The following ELOVL6 variants were observed in gnomAD, a reference collection of about 807,000 sequenced individuals.
ELOVL6 encodes the protein ELOVL fatty acid elongase 6.
Under a neutral mutation model 31.7 loss-of-function variants are expected in ELOVL6, and 8 were observed. The observed-to-expected ratio is 0.25, with a 90% CI of 0.15 to 0.45. ELOVL6 has a LOEUF of 0.45. ELOVL6 is among the 20% of genes least tolerant of loss of function. ELOVL6 has a pLI of 1.00. For synonymous variants in ELOVL6, 101 were observed against 117.7 expected (o/e 0.86, Z 0.92); for missense variants, 126 against 326.4 (o/e 0.39, Z 4.73).
At chr4:110,066,604 A>G (rs1755309253) in intron 2 of ELOVL6, among the ~76,000 whole-genome samples, 1 of 134,682 alleles carries the variant, frequency 7.4e-6, no homozygotes, top group Admixed American at 8.9e-5. Flanking sequence ...GCACCACTGC[A>G]CTCCAGCCTG....
At chr4:110,097,539 T>C (rs575357359) in intron 2 of ELOVL6, among the ~76,000 whole-genome samples, 2 of 152,214 alleles carry the variant, frequency 1.3e-5, no homozygotes, top group East Asian at 1.9e-4. Flanking sequence ...TAAATAATAA[T>C]ACAGTGTGGG....
intron 1 of ELOVL6, among the ~76,000 whole-genome samples, chr4:110,180,856 G>T (rs1759251541): frequency 6.6e-6 from 1 of 152,164 alleles, no homozygotes; most frequent in African/African-American, 2.4e-5. Context: ...ATATTCCAAG[G>T]CCATGTGTGG....
intron 1 of ELOVL6, among the ~76,000 whole-genome samples, chr4:110,188,852 T>C (rs1014320228): frequency 4.0e-5 from 6 of 149,472 alleles, no homozygotes; most frequent in African/African-American, 1.2e-4. Flanking sequence ...GATCATGCCA[T>C]TGCACTCCAC....
intron 2 of ELOVL6, among the ~76,000 whole-genome samples, chr4:110,084,138 A>ATATATACATGT (rs1756051607): frequency 3.9e-5 from 2 of 51,290 alleles, no homozygotes; most frequent in African/African-American, 1.9e-4. Flanking sequence ...TGTGATAATG[A>ATATATACATGT]TATATATGAT....
chr4:110,160,935 C>A (rs1452027912), intron 1 of ELOVL6, among the ~76,000 whole-genome samples: 1 of 152,188 alleles, frequency 6.6e-6, no homozygotes, highest in Admixed American at 6.5e-5. Flanking sequence ...TTATTGGTTT[C>A]TCCAACAGAG....
intron 1 of ELOVL6, among the ~76,000 whole-genome samples, chr4:110,110,258 A>G (rs951337811): frequency 2.6e-5 from 4 of 152,156 alleles, no homozygotes; most frequent in Non-Finnish European, 5.9e-5. Flanking sequence ...ATAATTTGAT[A>G]AGAAAATAAG....
intron 3 of ELOVL6, 118 bp downstream of exon 3, chr4:110,059,485 T>C (rs1000299673): frequency 3.8e-6 from 4 of 1,048,586 alleles, no homozygotes; most frequent in Non-Finnish European, 4.1e-6. Flanking sequence ...AATTCATTCA[T>C]TGTAACTTTC....
At chr4:110,134,893 T>C (rs1253654343) in intron 1 of ELOVL6, among the ~76,000 whole-genome samples, 1 of 151,982 alleles carries the variant, frequency 6.6e-6, no homozygotes, top group Non-Finnish European at 1.5e-5. Flanking sequence ...AGTTCAAAGC[T>C]GCAGTAAGTT....
rs1374187106 is a variant in ELOVL6 at position 110,047,004 on chromosome 4, T to C, written c.*4334A>G. 1 of 152,190 alleles carries C rather than the reference T, an allele frequency of 6.6e-6. No individual in the cohort carries two copies. The highest frequency in any genetic ancestry group is 1.5e-5 in the Non-Finnish European group (1 of 68,040). The allele number at this position is 152,190 out of a possible 1,614,324, so 9.4% of individuals were successfully genotyped here. On this transcript the variant is annotated 3_prime_UTR_variant, in exon 4 of 4. Coordinates refer to ENST00000302274, the MANE Select transcript of ELOVL6 (RefSeq NM_024090.3). ...ACAAAGAACGATGTTTCAAAAGCTGTGGGAGACAATGACTCACAGCATGAA... is the reference window on the plus strand; with the variant it reads ...ACAAAGAACGATGTTTCAAAAGCTGCGGGAGACAATGACTCACAGCATGAA...
intron 1 of ELOVL6, among the ~76,000 whole-genome samples, chr4:110,179,257 C>G (rs1312307491): frequency 6.6e-6 from 1 of 152,158 alleles, no homozygotes; most frequent in African/African-American, 2.4e-5. Context: ...GTAATCCCAG[C>G]ATTTAAGGAG....
At chr4:110,107,825 T>TTA (rs1756927588) in intron 1 of ELOVL6, among the ~76,000 whole-genome samples, 1 of 152,178 alleles carries the variant, frequency 6.6e-6, no homozygotes, top group South Asian at 2.1e-4. Context: ...ACATTATGAT[T>TTA]TATAGAGTGA....
chr4:110,139,292 AGTAAG>A (rs1231381765), intron 1 of ELOVL6, among the ~76,000 whole-genome samples: 1 of 152,194 alleles, frequency 6.6e-6, no homozygotes, highest in Non-Finnish European at 1.5e-5. Flanking sequence ...TTTTTATTTG[AGTAAG>A]AATTGGATAC....
intron 1 of ELOVL6, among the ~76,000 whole-genome samples, chr4:110,170,753 G>A (rs1758919017): frequency 6.6e-6 from 1 of 152,140 alleles, no homozygotes; most frequent in Non-Finnish European, 1.5e-5. Flanking sequence ...TTGACTGCAA[G>A]CTCAATGTCA....
intron 1 of ELOVL6, among the ~76,000 whole-genome samples, chr4:110,189,839 C>T (rs1031505823): frequency 6.6e-6 from 1 of 151,296 alleles, no homozygotes; most frequent in Middle Eastern, 3.4e-3. Flanking sequence ...TGATTGTGGG[C>T]GCCTGTAGTC....
At chr4:110,084,391 TATGATATATGATATATGACATAC>T (rs1560815174) in intron 2 of ELOVL6, among the ~76,000 whole-genome samples, 6 of 107,800 alleles carry the variant, frequency 5.6e-5, no homozygotes, top group African/African-American at 1.8e-4. Context: ...ATATCGCATA[TATGATATATGATATATGACATAC>T]ATGATATATC....
At chr4:110,091,494 CCTAT>C (rs1756426046) in intron 2 of ELOVL6, among the ~76,000 whole-genome samples, 1 of 152,182 alleles carries the variant, frequency 6.6e-6, no homozygotes, top group East Asian at 1.9e-4. Flanking sequence ...TTTTTACCTA[CCTAT>C]CTATCTGCAT....
chr4:110,197,989 A>G, intron 1 of ELOVL6: 1 of 566,704 alleles, frequency 1.8e-6, no homozygotes, highest in South Asian at 2.0e-5. Flanking sequence ...GCACACACAT[A>G]TGTTCTGTGT....
At chr4:110,112,492 A>G (rs1757063077) in intron 1 of ELOVL6, among the ~76,000 whole-genome samples, 1 of 152,242 alleles carries the variant, frequency 6.6e-6, no homozygotes, top group Admixed American at 6.5e-5. Flanking sequence ...ATGGCTTAAT[A>G]AAACTGATCA....
Position 110,084,342 on chromosome 4 carries a change from AT to A in ELOVL6, c.221+21154del, listed in dbSNP as rs1202748137. ...TATAAATTTGATATATATCACATAT[AT>A]GATATATGATATATACCGCATATAT... On this transcript the variant is annotated intron_variant, in intron 2 of 3. Transcript: ENST00000302274. Among the ~76,000 whole-genome samples, 3 of 66,310 alleles carry A rather than the reference AT, an allele frequency of 4.5e-5. 1 individual carries two copies. Among genetic ancestry groups the A allele is most frequent in the Non-Finnish European group, 7.5e-5 (3 of 40,024 alleles). The allele number at this position is 66,310 out of a possible 152,430, so 43.5% of individuals were successfully genotyped here. A position where few individuals can be genotyped will look rare whatever the true frequency, so the allele number is the denominator to read the frequency against.
Sources: allele counts gnomAD v4.1 joint callset (sites outside exome capture counted in the v4.1 genomes callset), GRCh38; gene constraint gnomAD v4.1.1; transcripts MANE v1.5; gene names NCBI Gene and HGNC (gene_info 2026-07-23, HGNC 2026-07-21).